SDHAF4: variants seen among roughly 807,000 people sequenced by gnomAD.
The protein encoded by SDHAF4 is succinate dehydrogenase assembly factor 4, mitochondrial.
SDHAF4 carries 14 observed loss-of-function variants against 14.3 expected under a neutral mutation model. The observed-to-expected ratio is 0.98, with a 90% confidence interval of 0.65 to 1.53. The LOEUF is 1.53. Among genes scored for constraint, SDHAF4 ranks in the 40% most tolerant of loss-of-function variants. The probability of loss-of-function intolerance (pLI) is 0.00; values close to 1 mark genes in which losing one functional copy is unlikely to be tolerated. For missense variants in SDHAF4, 141 were observed against 129.3 expected, an observed-to-expected ratio of 1.09 and a Z score of -0.44; for synonymous variants, 63 against 47.3, an observed-to-expected ratio of 1.33 and a Z score of -1.36.
At position 70,587,041 on chromosome 6, in the gene SDHAF4, C is replaced by G. The variant is rs113913215; in HGVS notation, c.218-1574C>G. On this transcript the variant is annotated intron_variant, in intron 2 of 2. Transcript: ENST00000370474. Reference sequence around the variant, plus strand: ...AAAAAATTAGCTGGGCATGGTGGTGCACACCTGTAATCCCAGCTACTCGAG... The same window carrying G: ...AAAAAATTAGCTGGGCATGGTGGTGGACACCTGTAATCCCAGCTACTCGAG... 7.3e-3 allele frequency among the ~76,000 whole-genome samples: 1,105 copies of G among 151,944 alleles called. 14 individuals are homozygous for G. Among genetic ancestry groups the G allele is most frequent in the African/African-American group, 0.025 (1,025 of 41,422 alleles).
intron 1 of SDHAF4, among the ~76,000 whole-genome samples, chr6:70,569,112 C>T (rs1386617669): frequency 6.6e-6 from 1 of 150,806 alleles, no homozygotes; most frequent in Non-Finnish European, 1.5e-5. Flanking sequence ...ACTACAGGCG[C>T]GCGCCACCAC....
downstream of SDHAF4, among the ~76,000 whole-genome samples, chr6:70,593,688 T>TG (rs202042891): frequency 0.16 from 23,644 of 151,606 alleles, 2,012 homozygotes; most frequent in Middle Eastern, 0.22. Flanking sequence ...TCAAGGGTTT[T>TG]TTTTTGTGTG....
chr6:70,597,165 G>T, the SDHAF4 span, among the ~76,000 whole-genome samples: 1 of 151,986 alleles, frequency 6.6e-6, no homozygotes, highest in East Asian at 1.9e-4. Context: ...AGTGAGCCTC[G>T]CTCTGTCACC....
chr6:70,571,337 G>T (rs568405097), intron 1 of SDHAF4, among the ~76,000 whole-genome samples: 68 of 152,128 alleles, frequency 4.5e-4, no homozygotes, highest in African/African-American at 1.4e-3. Context: ...TGTTGTATTT[G>T]TTGTGCTTAT....
downstream of SDHAF4, among the ~76,000 whole-genome samples, chr6:70,593,094 G>A (rs889666137): frequency 6.6e-6 from 1 of 152,216 alleles, no homozygotes; most frequent in Non-Finnish European, 1.5e-5. Context: ...TAGCTCAGGT[G>A]GTCCCCAGTG....
chr6:70,577,327 A>G (rs550407315), intron 1 of SDHAF4, among the ~76,000 whole-genome samples: 42 of 152,288 alleles, frequency 2.8e-4, no homozygotes, highest in African/African-American at 8.4e-4. Flanking sequence ...TGTTTGCTAC[A>G]GAGGTGTAGC....
rs955327980 is a variant in SDHAF4 at position 70,587,768 on chromosome 6, A to G, written c.218-847A>G. Among the ~76,000 whole-genome samples, 23 of 152,218 alleles carry G rather than the reference A, an allele frequency of 1.5e-4. 1 individual carries two copies. The highest frequency in any genetic ancestry group is 1.5e-5 in the Non-Finnish European group (1 of 68,028). ...AGAGTAAATGGATTAGCATACATAAAGTGCTGAGAATTGAGCCTGGCTTGT... is the reference window on the plus strand; with the variant it reads ...AGAGTAAATGGATTAGCATACATAAGGTGCTGAGAATTGAGCCTGGCTTGT... On this transcript the variant is annotated intron_variant, in intron 2 of 2. Transcript: ENST00000370474.
chr6:70,567,539 G>A (rs1802113594), intron 1 of SDHAF4: 1 of 152,584 alleles, frequency 6.6e-6, no homozygotes, highest in Non-Finnish European at 1.5e-5. Context: ...TAAATTAGAT[G>A]AAGCCAGGAA....
downstream of SDHAF4, among the ~76,000 whole-genome samples, chr6:70,590,985 T>G (rs1163924138): frequency 6.6e-6 from 1 of 152,154 alleles, no homozygotes; most frequent in Non-Finnish European, 1.5e-5. Flanking sequence ...AGAGATGTCC[T>G]AGCTCAAGCA....
downstream of SDHAF4, among the ~76,000 whole-genome samples, chr6:70,590,786 GGA>G (rs773903303): frequency 7.2e-4 from 109 of 152,134 alleles, 2 homozygotes; most frequent in Admixed American, 5.2e-3. Flanking sequence ...CTCTTCAATA[GGA>G]GAGAGAGAGA....
chr6:70,580,576 A>G (rs1291569354), intron 2 of SDHAF4, among the ~76,000 whole-genome samples: 1 of 152,240 alleles, frequency 6.6e-6, no homozygotes, highest in African/African-American at 2.4e-5. Flanking sequence ...AAACAACCCA[A>G]TGTTCACAAA....
Position 70,588,975 on chromosome 6 carries a change from C to G in SDHAF4, c.*251C>G. On this transcript the variant is annotated 3_prime_UTR_variant, in exon 3 of 3. Coordinates refer to ENST00000370474, the MANE Select transcript of SDHAF4 (RefSeq NM_145267.3). ...ATTAGCCAGGCGTGGTGGCATGCAC[C>G]TGTAATCCCAACTACTCTGGAGGCT... 1 of 173,542 alleles carries G rather than the reference C, an allele frequency of 5.8e-6. No homozygotes were observed. The highest frequency in any genetic ancestry group is 1.3e-4 in the East Asian group (1 of 7,656). The allele number at this position is 173,542 out of a possible 1,614,324, so 10.8% of individuals were successfully genotyped here.
Position 70,588,374 on chromosome 6 carries a change from G to A in SDHAF4, c.218-241G>A, listed in dbSNP as rs1259677413. On this transcript the variant is annotated intron_variant, in intron 2 of 2. Transcript: ENST00000370474. ...TTCTCTACTAAAAATACAAAAATTAGTTGGGCGTGGTGGCATGTGCGTGTA... is the reference window on the plus strand; with the variant it reads ...TTCTCTACTAAAAATACAAAAATTAATTGGGCGTGGTGGCATGTGCGTGTA... Among the ~76,000 whole-genome samples the A allele has an allele frequency of 3.9e-5, 6 of 152,134 alleles. No individual in the cohort carries two copies. In the South Asian group the frequency reaches 1.0e-3, roughly 26 times the overall value.
At chr6:70,597,887 AT>A in the SDHAF4 span, among the ~76,000 whole-genome samples, 1 of 152,200 alleles carries the variant, frequency 6.6e-6, no homozygotes, top group East Asian at 1.9e-4. Flanking sequence ...CAAGAAGAGC[AT>A]TTTTGGTGGC....
intron 1 of SDHAF4, among the ~76,000 whole-genome samples, chr6:70,578,545 T>G (rs115730447): frequency 0.013 from 1,951 of 152,334 alleles, 42 homozygotes; most frequent in African/African-American, 0.045. Context: ...GTTGAGCGTT[T>G]CTTTTGCTCT....
At chr6:70,587,729 T>C (rs1317883485) in intron 2 of SDHAF4, among the ~76,000 whole-genome samples, 1 of 152,206 alleles carries the variant, frequency 6.6e-6, no homozygotes, top group South Asian at 2.1e-4. Context: ...TCTTGTCCCA[T>C]AGGATTGTTA....
downstream of SDHAF4, among the ~76,000 whole-genome samples, chr6:70,591,435 G>A (rs1178895808): frequency 7.0e-6 from 1 of 142,458 alleles, no homozygotes; most frequent in Non-Finnish European, 1.5e-5. Flanking sequence ...TGGTTCAAGC[G>A]ATTCTCCTGC....
At chr6:70,570,014 T>C (rs182713648) in intron 1 of SDHAF4, among the ~76,000 whole-genome samples, 1 of 152,284 alleles carries the variant, frequency 6.6e-6, no homozygotes, top group East Asian at 1.9e-4. Context: ...CCTACTGATA[T>C]AATGCGAGCC....
chr6:70,578,270 A>T (rs1220722900), intron 1 of SDHAF4, among the ~76,000 whole-genome samples: 2 of 152,154 alleles, frequency 1.3e-5, no homozygotes. Context: ...AGCCATTCTG[A>T]CTGATGTGAC....
Sources: allele counts gnomAD v4.1 joint callset (sites outside exome capture counted in the v4.1 genomes callset), GRCh38; gene constraint gnomAD v4.1.1; transcripts MANE v1.5; gene names NCBI Gene and HGNC (gene_info 2026-07-23, HGNC 2026-07-21).